The following CDKAL1 variants were observed in gnomAD, a reference collection of about 807,000 sequenced individuals.
CDKAL1 encodes CDKAL1 threonylcarbamoyladenosine tRNA methylthiotransferase.
A neutral mutation model predicts 68.2 loss-of-function variants in CDKAL1; 32 were observed. That is an observed-to-expected ratio of 0.47 (90% confidence interval 0.35 to 0.63). CDKAL1 has a LOEUF of 0.63. Ranked by LOEUF, CDKAL1 falls within the 30% of genes least tolerant of loss-of-function variation. The probability of loss-of-function intolerance (pLI) is 0.00; values close to 1 mark genes in which losing one functional copy is unlikely to be tolerated. For synonymous variants in CDKAL1, 234 were observed against 244.3 expected, an observed-to-expected ratio of 0.96 and a Z score of 0.39; for missense variants, 606 against 696.7, an observed-to-expected ratio of 0.87 and a Z score of 1.47.
intron 8 of CDKAL1, among the ~76,000 whole-genome samples, chr6:20,822,076 A>G (rs960567606): frequency 7.9e-5 from 12 of 152,180 alleles, no homozygotes; most frequent in African/African-American, 2.9e-4. Context: ...CAACAGAGTT[A>G]GGTAGTTGTA....
chr6:20,588,090 C>A (rs1057211094), intron 4 of CDKAL1, among the ~76,000 whole-genome samples: 2 of 152,124 alleles, frequency 1.3e-5, no homozygotes, highest in Non-Finnish European at 2.9e-5. Flanking sequence ...GAGCAAGACC[C>A]TGCCTCAAAA....
At chr6:21,064,542 C>T (rs1452774657) in intron 11 of CDKAL1, among the ~76,000 whole-genome samples, 1 of 152,054 alleles carries the variant, frequency 6.6e-6, no homozygotes, top group Non-Finnish European at 1.5e-5. Flanking sequence ...AAAAGAGAAG[C>T]AATTATTAAC....
At chr6:21,140,068 A>G (rs2446485) in intron 13 of CDKAL1, among the ~76,000 whole-genome samples, 132,878 of 152,182 alleles carry the variant, frequency 0.87, 58,294 homozygotes, top group East Asian at 1. Flanking sequence ...GGGTAGATAC[A>G]GAAGATCAAG....
At chr6:21,171,988 T>C (rs1448443591) in intron 13 of CDKAL1, among the ~76,000 whole-genome samples, 2 of 152,180 alleles carry the variant, frequency 1.3e-5, no homozygotes, top group African/African-American at 4.8e-5. Flanking sequence ...CATTTTGTGG[T>C]CTGTGACTCA....
At chr6:20,848,021 A>G (rs992406978) in intron 9 of CDKAL1, among the ~76,000 whole-genome samples, 2 of 152,180 alleles carry the variant, frequency 1.3e-5, no homozygotes, top group Non-Finnish European at 2.9e-5. Flanking sequence ...ATGGTGGTCC[A>G]TGGTCAGTCT....
intron 9 of CDKAL1, among the ~76,000 whole-genome samples, chr6:20,867,764 G>A (rs1759985167): frequency 6.6e-6 from 1 of 152,124 alleles, no homozygotes; most frequent in Non-Finnish European, 1.5e-5. Context: ...CTCCAAGGAT[G>A]CACTTATTTC....
chr6:21,048,397 ATAAAG>A (rs1222151146), intron 11 of CDKAL1, among the ~76,000 whole-genome samples: 2 of 152,218 alleles, frequency 1.3e-5, no homozygotes, highest in Non-Finnish European at 2.9e-5. Context: ...CTCATAAGAA[ATAAAG>A]TAATTATAAA....
intron 4 of CDKAL1, among the ~76,000 whole-genome samples, chr6:20,613,349 A>G (rs1398268149): frequency 7.8e-6 from 1 of 128,554 alleles, no homozygotes; most frequent in African/African-American, 3.0e-5. Context: ...ATCTCAGCTC[A>G]CTGCAACCTC....
At chr6:20,805,217 T>C (rs1167796307) in intron 8 of CDKAL1, among the ~76,000 whole-genome samples, 2 of 152,200 alleles carry the variant, frequency 1.3e-5, no homozygotes, top group African/African-American at 2.4e-5. Flanking sequence ...ATGTGTCTTT[T>C]TCTGTTACTA....
intron 2 of CDKAL1, among the ~76,000 whole-genome samples, chr6:20,537,326 G>T (rs1053619595): frequency 6.6e-6 from 1 of 152,148 alleles, no homozygotes; most frequent in African/African-American, 2.4e-5. Context: ...AAAGCTTCCC[G>T]CTGGGTGCAG....
At chr6:21,220,642 G>A (rs903018754) in intron 15 of CDKAL1, among the ~76,000 whole-genome samples, 1 of 152,136 alleles carries the variant, frequency 6.6e-6, no homozygotes, top group African/African-American at 2.4e-5. Context: ...CCAAAAATTA[G>A]GAAACTATTA....
At position 21,131,690 on chromosome 6, in the gene CDKAL1, T is replaced by A. The variant is rs76639982; in HGVS notation, c.1299+23227T>A. Among the ~76,000 whole-genome samples the A allele has an allele frequency of 4.6e-4, 70 of 152,376 alleles. No homozygotes were observed. In the East Asian group the frequency reaches 0.013, roughly 27 times the overall value. On this transcript the variant is annotated intron_variant, in intron 13 of 15. Coordinates refer to ENST00000274695, the MANE Select transcript of CDKAL1 (RefSeq NM_017774.3). ...AAAAACCATAAAGCTAGATGGCTAC[T>A]CTAAAATGTTATTGATCAGTTCAGA...
intron 5 of CDKAL1, among the ~76,000 whole-genome samples, chr6:20,682,862 C>T (rs544298013): frequency 2.8e-4 from 43 of 152,046 alleles, no homozygotes; most frequent in Non-Finnish European, 5.1e-4. Flanking sequence ...TGCTAAGTAA[C>T]ATAACCTCTC....
At chr6:21,045,231 C>T (rs1243820725) in intron 11 of CDKAL1, among the ~76,000 whole-genome samples, 1 of 152,148 alleles carries the variant, frequency 6.6e-6, no homozygotes, top group Admixed American at 6.5e-5. Flanking sequence ...AATGATATAG[C>T]AGGCAGGAAT....
chr6:21,191,582 G>A (rs1270855487), intron 13 of CDKAL1, among the ~76,000 whole-genome samples: 2 of 152,138 alleles, frequency 1.3e-5, no homozygotes, highest in Admixed American at 6.5e-5. Context: ...AGTGGGAAGA[G>A]TTCAAAGACT....
At chr6:20,812,838 T>G (rs980732204) in intron 8 of CDKAL1, among the ~76,000 whole-genome samples, 2 of 152,182 alleles carry the variant, frequency 1.3e-5, no homozygotes, top group Admixed American at 1.3e-4. Flanking sequence ...AAATACAATT[T>G]TTTTAACATT....
At chr6:21,010,850 G>A (rs901799494) in intron 11 of CDKAL1, among the ~76,000 whole-genome samples, 89 of 150,924 alleles carry the variant, frequency 5.9e-4, no homozygotes, top group Admixed American at 2.2e-3. Context: ...TTGGGAGGCC[G>A]AGGCGGGCAG....
chr6:20,827,607 T>TA (rs529776026), intron 8 of CDKAL1, among the ~76,000 whole-genome samples: 9 of 151,154 alleles, frequency 6.0e-5, no homozygotes, highest in East Asian at 3.9e-4. Context: ...GTTTTAGACA[T>TA]AAAAAAAAAG....
intron 4 of CDKAL1, among the ~76,000 whole-genome samples, chr6:20,632,463 G>A (rs903080595): frequency 1.3e-5 from 2 of 152,176 alleles, no homozygotes; most frequent in Non-Finnish European, 2.9e-5. Flanking sequence ...GACCATCTTT[G>A]CTTCAGAGAA....
Sources: gnomAD v4.1 joint callset for allele counts (sites outside exome capture counted in the v4.1 genomes callset) on GRCh38, gnomAD v4.1.1 for gene constraint, MANE v1.5 for transcripts, NCBI Gene and HGNC (gene_info 2026-07-23, HGNC 2026-07-21) for gene names.